The following TAF3 variants were observed in gnomAD, a reference collection of about 807,000 sequenced individuals.
TAF3 encodes TATA-box binding protein associated factor 3, also known as transcription initiation factor TFIID subunit 3.
A neutral mutation model predicts 80.6 loss-of-function variants in TAF3; 7 were observed. The observed-to-expected ratio is 0.09, with a 90% CI of 0.05 to 0.16. The LOEUF is 0.16. TAF3 is among the 10% of genes least tolerant of loss of function. TAF3 has a pLI of 1.00. For missense variants in TAF3, 921 were observed against 1,140.2 expected (o/e 0.81, Z 2.77); for synonymous variants, 444 against 446.1 (o/e 1.00, Z 0.06).
intron 2 of TAF3, among the ~76,000 whole-genome samples, chr10:7,844,421 G>C (rs1374768546): frequency 3.5e-5 from 5 of 141,842 alleles, no homozygotes; most frequent in Non-Finnish European, 7.5e-5. Flanking sequence ...TCTGTCACCA[G>C]GCTGGAGTGC....
At chr10:7,860,598 T>C (rs1217854010) in intron 2 of TAF3, among the ~76,000 whole-genome samples, 2 of 152,204 alleles carry the variant, frequency 1.3e-5, no homozygotes, top group Non-Finnish European at 2.9e-5. Context: ...GATAAATGCT[T>C]GATTTCTTTT....
chr10:7,963,499 A>G (rs1831532729), intron 2 of TAF3, among the ~76,000 whole-genome samples: 1 of 152,194 alleles, frequency 6.6e-6, no homozygotes, highest in Non-Finnish European at 1.5e-5. Flanking sequence ...TGTTTGGAAG[A>G]TCCTTGAAAA....
chr10:7,885,373 A>G (rs1837400470), intron 2 of TAF3, among the ~76,000 whole-genome samples: 1 of 152,014 alleles, frequency 6.6e-6, no homozygotes, highest in African/African-American at 2.4e-5. Context: ...ATTTCCATTT[A>G]TATTTCTTTT....
intron 2 of TAF3, among the ~76,000 whole-genome samples, chr10:7,846,303 A>G (rs1262097938): frequency 6.6e-6 from 1 of 152,230 alleles, no homozygotes; most frequent in Non-Finnish European, 1.5e-5. Context: ...ATTTCTTCAA[A>G]AAGTATTGTA....
chr10:7,833,355 G>A (rs1836820843), intron 2 of TAF3, among the ~76,000 whole-genome samples: 1 of 152,078 alleles, frequency 6.6e-6, no homozygotes, highest in African/African-American at 2.4e-5. Flanking sequence ...CCACATCCCT[G>A]CTAACACTTG....
At chr10:7,859,047 G>C (rs1256374338) in intron 2 of TAF3, among the ~76,000 whole-genome samples, 1 of 152,088 alleles carries the variant, frequency 6.6e-6, no homozygotes, top group Non-Finnish European at 1.5e-5. Flanking sequence ...CAGATCACGA[G>C]GTCAGGAGAT....
At chr10:7,953,391 C>T (rs1352727800) in intron 2 of TAF3, among the ~76,000 whole-genome samples, 8 of 152,136 alleles carry the variant, frequency 5.3e-5, no homozygotes, top group Admixed American at 2.0e-4. Context: ...TTTAGATCAT[C>T]CCACACATGG....
At chr10:7,840,524 G>GA (rs35379190) in intron 2 of TAF3, among the ~76,000 whole-genome samples, 170 of 128,384 alleles carry the variant, frequency 1.3e-3, no homozygotes, top group Middle Eastern at 4.1e-3. Flanking sequence ...CATCCAGAAT[G>GA]AAAAAAAAAA....
At chr10:7,970,811 G>A (rs1367599721) in intron 3 of TAF3, among the ~76,000 whole-genome samples, 2 of 152,172 alleles carry the variant, frequency 1.3e-5, no homozygotes, top group Non-Finnish European at 2.9e-5. Flanking sequence ...TTGTTCTTTA[G>A]AGAATGATAA....
intron 2 of TAF3, among the ~76,000 whole-genome samples, chr10:7,928,674 T>C (rs192441483): frequency 1.2e-4 from 19 of 152,322 alleles, no homozygotes; most frequent in Non-Finnish European, 2.1e-4. Context: ...TAATGGTTTT[T>C]CTATTCCTTC....
intron 2 of TAF3, among the ~76,000 whole-genome samples, chr10:7,959,149 C>G (rs1838165173): frequency 7.3e-6 from 1 of 137,638 alleles, no homozygotes; most frequent in Admixed American, 7.7e-5. Flanking sequence ...CACACACACA[C>G]ACACACACAC....
rs1588562252 is a variant in TAF3 at position 7,948,262 on chromosome 10, T to C, written c.410-15658T>C. ...TTTCTTTTCTTTTCTTTCTTTCTTT[T>C]TTTTTTTTTTAGAGACAAGATCTTT... On this transcript the variant is annotated intron_variant, in intron 2 of 6. Coordinates refer to ENST00000344293, the MANE Select transcript of TAF3 (RefSeq NM_031923.4). Among the ~76,000 whole-genome samples, 3 of 150,554 alleles carry C rather than the reference T, an allele frequency of 2.0e-5. No homozygotes were observed. The South Asian group carries it at 6.3e-4, about 32-fold the overall frequency.
At chr10:7,935,845 G>A (rs1298323903) in intron 2 of TAF3, among the ~76,000 whole-genome samples, 1 of 152,138 alleles carries the variant, frequency 6.6e-6, no homozygotes, top group South Asian at 2.1e-4. Context: ...CGAGGGAGAG[G>A]GAGATAAAAA....
intron 2 of TAF3, among the ~76,000 whole-genome samples, chr10:7,864,589 C>G (rs545094459): frequency 7.1e-6 from 1 of 139,914 alleles, no homozygotes; most frequent in Admixed American, 7.1e-5. Flanking sequence ...TCTGTGTAGA[C>G]TCGTGTTTTC....
intron 2 of TAF3, among the ~76,000 whole-genome samples, chr10:7,879,707 G>A (rs1837342358): frequency 6.6e-6 from 1 of 152,022 alleles, no homozygotes; most frequent in East Asian, 1.9e-4. Context: ...TTCATCTGAT[G>A]GGCCATAGTT....
At chr10:7,976,978 A>T (rs1034203209) in intron 3 of TAF3, among the ~76,000 whole-genome samples, 7 of 152,232 alleles carry the variant, frequency 4.6e-5, no homozygotes, top group African/African-American at 1.7e-4. Flanking sequence ...TTTTAACAAT[A>T]TAATTAAGTC....
intron 2 of TAF3, among the ~76,000 whole-genome samples, chr10:7,899,063 G>A (rs1368492343): frequency 1.3e-5 from 2 of 152,136 alleles, no homozygotes; most frequent in Admixed American, 6.5e-5. Context: ...GGAAGGGAGG[G>A]ATTCTTGTAA....
At chr10:7,844,568 G>A (rs1588521266) in intron 2 of TAF3, among the ~76,000 whole-genome samples, 2 of 152,008 alleles carry the variant, frequency 1.3e-5, no homozygotes, top group East Asian at 1.9e-4. Flanking sequence ...AGTAGAGATG[G>A]GGTTTCACCA....
intron 2 of TAF3, among the ~76,000 whole-genome samples, chr10:7,962,549 A>G (rs1831519406): frequency 6.6e-6 from 1 of 152,074 alleles, no homozygotes; most frequent in African/African-American, 2.4e-5. Context: ...ACTGCTCCCC[A>G]CCTTGCACTC....
Sources: gnomAD v4.1 joint callset for allele counts (sites outside exome capture counted in the v4.1 genomes callset) on GRCh38, gnomAD v4.1.1 for gene constraint, MANE v1.5 for transcripts, NCBI Gene and HGNC (gene_info 2026-07-23, HGNC 2026-07-21) for gene names.